The following MIB2 variants were observed in gnomAD, a reference collection of about 807,000 sequenced individuals.
MIB2 encodes the protein E3 ubiquitin-protein ligase MIB2.
Under a neutral mutation model 96.6 loss-of-function variants are expected in MIB2, and 78 were observed. The ratio of observed to expected loss-of-function variants is 0.81; its 90% CI spans 0.67 to 0.97. The LOEUF (loss-of-function observed/expected upper bound fraction) is 0.97. Among genes scored for constraint, MIB2 ranks in the 50% least tolerant of loss-of-function variants. The pLI is 0.00. For synonymous variants in MIB2, 820 were observed against 629.5 expected (o/e 1.30, Z -4.53); for missense variants, 1,543 against 1,424.0 (o/e 1.08, Z -1.35).
rs752867702 is a variant in MIB2, at chr1:1,615,589, G to C, written c.-174G>C. The C allele has an allele frequency of 1.3e-6, 2 of 1,558,110 alleles. No individual in the cohort carries two copies. The highest frequency in any genetic ancestry group is 1.2e-5 in the South Asian group (1 of 84,716). ...GGGAGCCCGAAGCCGTCCCCGAGTC[G>C]CTCCTAGGTCACTGGCGCGATGCGG... On this transcript the variant is annotated 5_prime_UTR_variant, in exon 1 of 20. Coordinates refer to ENST00000355826, the MANE Select transcript of MIB2 (RefSeq NM_001170687.4).
chr1:1,615,658 C>T (rs896938209), intron 1 of MIB2, 25 bp downstream of exon 1: 23 of 1,561,346 alleles, frequency 1.5e-5, no homozygotes, highest in East Asian at 4.9e-5. Flanking sequence ...GGATCTCCTC[C>T]CCTGGTCCTC....
At position 1,626,827 on chromosome 1, in the gene MIB2, C is replaced by T. The variant is rs368048212; in HGVS notation, c.1078-10C>T. The T allele has an allele frequency of 6.2e-5, 100 of 1,600,876 alleles. No homozygotes were observed. The African/African-American group carries it at 1.1e-3, about 17-fold the overall frequency. ...CTGCAGCCTGCTGTGACCCCCTCCCCTCCCCGCAGGCCCTGGGCCGCGTCG... is the reference window on the plus strand; with the variant it reads ...CTGCAGCCTGCTGTGACCCCCTCCCTTCCCCGCAGGCCCTGGGCCGCGTCG... On this transcript the variant is annotated splice_polypyrimidine_tract_variant and intron_variant, in intron 9 of 19. Coordinates refer to ENST00000355826, the MANE Select transcript of MIB2 (RefSeq NM_001170687.4). The surrounding 1 kb of genome is among the most constrained non-coding windows in gnomAD (Gnocchi z 5.3).
In MIB2 at chr1:1,626,286, T is replaced by C; in HGVS notation, c.973-364T>C. On this transcript the variant is annotated intron_variant, in intron 8 of 19. Coordinates refer to ENST00000355826, the MANE Select transcript of MIB2 (RefSeq NM_001170687.4). The surrounding 1 kb of genome is among the most constrained non-coding windows in gnomAD (Gnocchi z 5.3). ...CAGGTGGGGCAGAGTGGGCCCGTCCTGCACCCCATGGTCCTGGGGCCCCAC... is the reference window on the plus strand; with the variant it reads ...CAGGTGGGGCAGAGTGGGCCCGTCCCGCACCCCATGGTCCTGGGGCCCCAC... 3.0e-6 allele frequency: 1 copy of C among 330,880 alleles called. No individual in the cohort carries two copies. The highest frequency in any genetic ancestry group is 5.5e-5 in the South Asian group (1 of 18,112). 20.5% of individuals were successfully genotyped at this position (330,880 alleles called of 1,614,324 possible). A position where few individuals can be genotyped will look rare whatever the true frequency, so the allele number is the denominator to read the frequency against.
chr1:1,628,500 C>G lies in MIB2; in HGVS notation c.1980C>G (p.Asp660Glu), dbSNP rs779223762. The G allele has an allele frequency of 5.6e-6, 9 of 1,599,180 alleles. No homozygotes were observed. Among genetic ancestry groups the G allele is most frequent in the African/African-American group, 1.3e-5 (1 of 74,850 alleles). The change falls in exon 16 of 20, where the codon GAC (aspartate) becomes GAG (glutamate). Residue 660 changes from aspartate (D) to glutamate (E), a missense_variant. Asp to Glu is a conservative substitution (Grantham distance 45). Coordinates refer to ENST00000355826, the MANE Select transcript of MIB2 (RefSeq NM_001170687.4). ...AQILIREGRC[D>E]VNVRNRKLQS... Reference sequence around the variant, plus strand: ...CCACCCCTCCCCAGGGCCGCTGTGACGTGAACGTGCGCAACCGGAAGCTGC... The same window carrying G: ...CCACCCCTCCCCAGGGCCGCTGTGAGGTGAACGTGCGCAACCGGAAGCTGC...
At chr1:1,623,132 C>T (rs1009351686) in intron 2 of MIB2, 18 of 503,606 alleles carry the variant, frequency 3.6e-5, no homozygotes, top group African/African-American at 8.2e-5. Context: ...CTTCCGAGAG[C>T]GTTATTTGTG....
At position 1,626,844 on chromosome 1, in the gene MIB2, G is replaced by C. The variant is rs1020858029; in HGVS notation, c.1085G>C (p.Gly362Ala). The C allele has an allele frequency of 6.2e-7, 1 of 1,602,236 alleles. No homozygotes were observed. The highest frequency in any genetic ancestry group is 1.7e-5 in the Admixed American group (1 of 59,928). ...EWTDDMAPAL[G>A]RVGKVVKVFG... is the part of the protein sequence containing the mutation. ...CCCCTCCCCTCCCCGCAGGCCCTGG[G>C]CCGCGTCGGGAAGGTGGTGAAAGTG... The change falls in exon 10 of 20, where the codon GGC (glycine) becomes GCC (alanine). Residue 362 changes from glycine to alanine, a missense_variant. Gly to Ala is a moderately conservative substitution (Grantham distance 60). Coordinates refer to ENST00000355826, the MANE Select transcript of MIB2 (RefSeq NM_001170687.4). This position sits in a 1 kb window ranked among gnomAD's most constrained non-coding sequence, Gnocchi z 5.3.
rs758897291 is a variant in MIB2 at position 1,625,165 on chromosome 1, A to T, written c.701A>T (p.Lys234Met). The T allele has an allele frequency of 1.2e-6, 2 of 1,611,720 alleles. No individual in the cohort carries two copies. Among genetic ancestry groups the T allele is most frequent in the Admixed American group, 3.3e-5 (2 of 59,986 alleles). Residue 234 changes from lysine to methionine, a missense_variant, in exon 6 of 20, where the codon AAG becomes ATG. Lys to Met is a moderately conservative substitution (Grantham distance 95, BLOSUM62 -1). Transcript: ENST00000355826. This position sits in a 1 kb window ranked among gnomAD's most constrained non-coding sequence, Gnocchi z 5.0. The stretch of plus-strand genomic sequence containing the variant: ...GAGGCAGCGGGCGGCTTCTACTACA[A>T]GGACCACCTCCCAAGGCTCGGTATG... The part of the protein sequence containing the change: ...VGEAAGGFYY[K>M]DHLPRLGKPA...
At chr1:1,629,602 A>G in intron 18 of MIB2, 36 bp downstream of exon 18, 1 of 1,568,104 alleles carries the variant, frequency 6.4e-7, no homozygotes, top group South Asian at 1.2e-5. Context: ...AGGCCCGGCT[A>G]GTAGGGCCGC....
Position 1,624,858 on chromosome 1 carries a change from G to C in MIB2, c.483G>C (p.Ala161=), listed in dbSNP as rs770239633. The change falls in exon 5 of 20, where the codon GCG becomes GCC. Residue 161 remains alanine, a synonymous_variant. Coordinates refer to ENST00000355826, the MANE Select transcript of MIB2 (RefSeq NM_001170687.4). ...RIPLRGIFQG[A]KVVRGPDWEW... ...CACTAAGGGGCATCTTCCAGGGAGC[G>C]AAGGTGGTGCGAGGCCCCGACTGGG... 14 of 1,613,158 alleles carry C rather than the reference G, an allele frequency of 8.7e-6. No individual in the cohort carries two copies. The East Asian group carries it at 2.5e-4, about 28-fold the overall frequency.
chr1:1,625,602 G>A lies in MIB2; in HGVS notation c.921G>A (p.Val307=), dbSNP rs775700555. ...HRITDRGDVR[V]QFNHETRWTF... ...TCACGGACCGCGGGGACGTGCGCGT[G>A]CAGTTCAACCACGAGACGCGCTGGA... The change falls in exon 8 of 20, where the codon GTG becomes GTA. Residue 307 remains valine (V), a synonymous_variant. Transcript: ENST00000355826. This position sits in a 1 kb window ranked among gnomAD's most constrained non-coding sequence, Gnocchi z 5.0. 6.3e-7 allele frequency: 1 copy of A among 1,581,944 alleles called. No homozygotes were observed. Among genetic ancestry groups the A allele is most frequent in the Admixed American group, 1.8e-5 (1 of 55,748 alleles).
At chr1:1,627,596 C>T (rs1486882569) in intron 12 of MIB2, 77 bp from the exon 13 acceptor site, 6 of 1,512,470 alleles carry the variant, frequency 4.0e-6, no homozygotes, top group East Asian at 4.8e-5. Context: ...GTCCTGGGGT[C>T]GGGCCTGGCG....
At chr1:1,624,072 C>T (rs1042165746) in intron 4 of MIB2, 127 bp downstream of exon 4, 50 of 1,225,374 alleles carry the variant, frequency 4.1e-5, no homozygotes, top group South Asian at 1.4e-4. Flanking sequence ...TCTCCAGAGC[C>T]GTGGCCTTAA....
rs778549663 is a variant in MIB2 at position 1,630,567 on chromosome 1, G to T, written c.*37G>T. 1.1e-5 allele frequency: 16 copies of T among 1,447,018 alleles called. No homozygotes were observed. Among genetic ancestry groups the T allele is most frequent in the Non-Finnish European group, 1.4e-5 (15 of 1,084,072 alleles). The allele number at this position is 1,447,018 out of a possible 1,614,324, so 89.6% of individuals were successfully genotyped here. On this transcript the variant is annotated 3_prime_UTR_variant, in exon 20 of 20. Coordinates refer to ENST00000355826, the MANE Select transcript of MIB2 (RefSeq NM_001170687.4). Reference sequence around the variant, plus strand: ...CGCCGCGCCCGAGCTGCCTTCGCGTGCCCCCGCCCTGTGTTTTATAAAAAG... The same window carrying T: ...CGCCGCGCCCGAGCTGCCTTCGCGTTCCCCCGCCCTGTGTTTTATAAAAAG...
chr1:1,626,420 T>A lies in MIB2; in HGVS notation c.973-230T>A, dbSNP rs1644768666. 1.8e-6 allele frequency: 1 copy of A among 540,874 alleles called. No homozygotes were observed. Among genetic ancestry groups the A allele is most frequent in the African/African-American group, 1.9e-5 (1 of 52,244 alleles). 33.5% of individuals were successfully genotyped at this position (540,874 alleles called of 1,614,324 possible). On this transcript the variant is annotated intron_variant, in intron 8 of 19. Transcript: ENST00000355826. This position sits in a 1 kb window ranked among gnomAD's most constrained non-coding sequence, Gnocchi z 5.3. ...CACCTGCCCAGAGCTGGCTTCTGTC[T>A]GCCTGGACACTCCTCCCATGGCTCT...
rs761980321 is a variant in MIB2, at chr1:1,616,553, G to A, written c.-84G>A. On this transcript the variant is annotated 5_prime_UTR_variant, in exon 2 of 20. Transcript: ENST00000355826. ...TAGAGGCCAGTCCCAAAGTTTCCAG[G>A]CATCAGGGCTGCAGCCCAGGAGCCT... The A allele has an allele frequency of 1.2e-6, 2 of 1,603,190 alleles. No individual in the cohort carries two copies. The highest frequency in any genetic ancestry group is 3.4e-5 in the Admixed American group (2 of 59,128).
Position 1,615,507 on chromosome 1 carries a change from G to A in MIB2, c.-256G>A, listed in dbSNP as rs761459322. 3.0e-5 allele frequency: 46 copies of A among 1,528,288 alleles called. No individual in the cohort carries two copies. Among genetic ancestry groups the A allele is most frequent in the Non-Finnish European group, 3.5e-6 (4 of 1,144,496 alleles). The allele number at this position is 1,528,288 out of a possible 1,614,324, so 94.7% of individuals were successfully genotyped here. On this transcript the variant is annotated 5_prime_UTR_variant, in exon 1 of 20. Coordinates refer to ENST00000355826, the MANE Select transcript of MIB2 (RefSeq NM_001170687.4). Reference sequence around the variant, plus strand: ...GGCGGGCCCTGGGCTCCCGCCCTTCGGGTCCCACAGTTTCCAGCCGCCGCT... The same window carrying A: ...GGCGGGCCCTGGGCTCCCGCCCTTCAGGTCCCACAGTTTCCAGCCGCCGCT...
chr1:1,625,610 AC>A lies in MIB2; in HGVS notation c.931del (p.His311ThrfsTer33). ...TDRGDVRVQFNHETRWTFHPG... is the reference protein window; with the variant it reads ...TDRGDVRVQFXHETRWTFHPG... ...CGCGGGGACGTGCGCGTGCAGTTCA[AC>A]CACGAGACGCGCTGGACCTTCCACC... On this transcript the variant is annotated frameshift_variant, in exon 8 of 20. Coordinates refer to ENST00000355826, the MANE Select transcript of MIB2 (RefSeq NM_001170687.4). LOFTEE classifies it high-confidence loss of function. The surrounding 1 kb of genome is among the most constrained non-coding windows in gnomAD (Gnocchi z 5.0). The A allele has an allele frequency of 6.3e-7, 1 of 1,577,626 alleles. No homozygotes were observed. Among genetic ancestry groups the A allele is most frequent in the Admixed American group, 1.8e-5 (1 of 55,118 alleles).
intron 16 of MIB2, 90 bp from the exon 17 acceptor site, chr1:1,629,043 G>A: frequency 1.6e-6 from 2 of 1,290,100 alleles, no homozygotes; most frequent in Non-Finnish European, 1.0e-6. Flanking sequence ...GACATGGGGC[G>A]CCGGCTGCTG....
In MIB2 at chr1:1,628,694, A is replaced by G. The variant is rs1645057814; in HGVS notation, c.2174A>G (p.Asp725Gly). ...CTGGTGGCTGATGGGGCCGGGGGGG[A>G]CCCAGGGCCCTTGCAGCTGCTGTCC... ...LPLVADGAGG[D>G]PGPLQLLSRL... Residue 725 changes from aspartate (D) to glycine (G), a missense_variant, in exon 16 of 20, where the codon GAC (aspartate) becomes GGC (glycine). By Grantham distance (94) the Asp-to-Gly change is moderately conservative (BLOSUM62 -1). Coordinates refer to ENST00000355826, the MANE Select transcript of MIB2 (RefSeq NM_001170687.4). 2 of 1,560,842 alleles carry G rather than the reference A, an allele frequency of 1.3e-6. No homozygotes were observed. Among genetic ancestry groups the G allele is most frequent in the Admixed American group, 3.7e-5 (2 of 53,598 alleles).
Sources: allele counts gnomAD v4.1 joint callset, GRCh38; gene constraint gnomAD v4.1.1; non-coding constraint Gnocchi (gnomAD v3.1); transcripts MANE v1.5; gene names NCBI Gene and HGNC (gene_info 2026-07-23, HGNC 2026-07-21).